Variants in PDE10A observed in about 807,000 individuals in gnomAD.
The protein encoded by PDE10A is cAMP and cAMP-inhibited cGMP 3',5'-cyclic phosphodiesterase 10A.
A neutral mutation model predicts 97.7 loss-of-function variants in PDE10A; 39 were observed. That is an observed-to-expected ratio of 0.40 (90% CI 0.31 to 0.52). The LOEUF (loss-of-function observed/expected upper bound fraction) is 0.52, where lower values mean the gene tolerates loss of function less well. Ranked by LOEUF, PDE10A falls within the 20% of genes least tolerant of loss-of-function variation. The probability of loss-of-function intolerance (pLI) is 0.56; values close to 1 mark genes in which losing one functional copy is unlikely to be tolerated. For missense variants in PDE10A, 731 were observed against 1,047.8 expected, an observed-to-expected ratio of 0.70 and a Z score of 4.17; for synonymous variants, 371 against 376.8, an observed-to-expected ratio of 0.98 and a Z score of 0.18.
chr6:165,707,050 C>A (rs1205606480), intron 1 of PDE10A, among the ~76,000 whole-genome samples: 1 of 152,164 alleles, frequency 6.6e-6, no homozygotes. Context: ...GTTTTTAAGT[C>A]GATTGCTTAA....
chr6:165,644,355 C>T (rs114709538), intron 1 of PDE10A, among the ~76,000 whole-genome samples: 3,837 of 152,274 alleles, frequency 0.025, 168 homozygotes, highest in African/African-American at 0.088. Context: ...GCCACCATGC[C>T]CGGCCAGAAA....
At chr6:165,787,973 AC>A (rs1252638584) in intron 1 of PDE10A, among the ~76,000 whole-genome samples, 2 of 152,214 alleles carry the variant, frequency 1.3e-5, no homozygotes, top group Admixed American at 6.5e-5. Context: ...TAAATAAGAG[AC>A]CACCTTCATG....
At chr6:165,738,439 T>G (rs1792636804) in intron 1 of PDE10A, among the ~76,000 whole-genome samples, 1 of 150,860 alleles carries the variant, frequency 6.6e-6, no homozygotes, top group Admixed American at 6.6e-5. Flanking sequence ...TGGTTCCAAG[T>G]CTTTGCTATT....
chr6:165,772,436 C>T (rs1446444686), intron 1 of PDE10A, among the ~76,000 whole-genome samples: 1 of 152,184 alleles, frequency 6.6e-6, no homozygotes, highest in African/African-American at 2.4e-5. Flanking sequence ...CTGTTGTAGA[C>T]ATCGCCTCCA....
At chr6:165,596,566 A>G (rs1296772566) in intron 1 of PDE10A, among the ~76,000 whole-genome samples, 1 of 152,098 alleles carries the variant, frequency 6.6e-6, no homozygotes, top group Non-Finnish European at 1.5e-5. Context: ...CCTTCTCTAC[A>G]AAAAATTTAA....
In PDE10A at chr6:165,931,950, T is replaced by C. The variant is rs373995555; in HGVS notation, c.-615+55579A>G. Among the ~76,000 whole-genome samples, 560 of 152,152 alleles carry C rather than the reference T, an allele frequency of 3.7e-3. 4 individuals are homozygous for C. Among genetic ancestry groups the C allele is most frequent in the African/African-American group, 0.013 (524 of 41,514 alleles). ...GGCCACACCCTGCGGCTCTCATCAG[T>C]GGCATGTGGCAGATGACAGAAAGGT... On this transcript the variant is annotated intron_variant, in intron 1 of 19. Transcript: ENST00000366882.
At chr6:165,509,550 G>T (rs1306847555) in intron 2 of PDE10A, among the ~76,000 whole-genome samples, 1 of 151,300 alleles carries the variant, frequency 6.6e-6, no homozygotes, top group Non-Finnish European at 1.5e-5. Flanking sequence ...GCTCGGGATT[G>T]CTTTGGCTAT....
chr6:165,441,573 C>G (rs1036568644), intron 5 of PDE10A, among the ~76,000 whole-genome samples: 8 of 152,212 alleles, frequency 5.3e-5, no homozygotes, highest in Non-Finnish European at 1.0e-4. Context: ...CTCACACAAT[C>G]TAACTCCAGA....
chr6:165,923,829 T>C (rs577005833), intron 1 of PDE10A, among the ~76,000 whole-genome samples: 71 of 152,312 alleles, frequency 4.7e-4, no homozygotes, highest in African/African-American at 1.7e-3. Context: ...TGCCAATTCA[T>C]TTTTCAGAGA....
chr6:165,484,630 C>T (rs1779797169), intron 2 of PDE10A, among the ~76,000 whole-genome samples: 1 of 152,068 alleles, frequency 6.6e-6, no homozygotes, highest in African/African-American at 2.4e-5. Flanking sequence ...GCACAGAGAC[C>T]ACAGGAAATT....
At chr6:165,823,482 T>TTA (rs748139541) in intron 1 of PDE10A, among the ~76,000 whole-genome samples, 2,451 of 36,942 alleles carry the variant, frequency 0.066, 128 homozygotes, top group East Asian at 0.19. Context: ...ATAGTTAACT[T>TTA]TATATATATA....
At chr6:165,576,480 C>T (rs780198440) in intron 1 of PDE10A, 20 of 780,198 alleles carry the variant, frequency 2.6e-5, no homozygotes, top group South Asian at 2.0e-4. Flanking sequence ...GTCTTCTCTA[C>T]CCCCATCTCT....
intron 1 of PDE10A, among the ~76,000 whole-genome samples, chr6:165,933,210 C>T (rs532714899): frequency 1.2e-4 from 19 of 152,272 alleles, no homozygotes; most frequent in Non-Finnish European, 2.5e-4. Flanking sequence ...AGACCCGAAA[C>T]AGTCCCTATG....
intron 1 of PDE10A, among the ~76,000 whole-genome samples, chr6:165,547,296 AGCAGGG>A (rs1783787174): frequency 6.6e-6 from 1 of 152,142 alleles, no homozygotes; most frequent in South Asian, 2.1e-4. Flanking sequence ...AGTACTCATG[AGCAGGG>A]GCAGGTTAAA....
At chr6:165,838,778 A>G (rs539276420) in intron 1 of PDE10A, among the ~76,000 whole-genome samples, 1 of 152,378 alleles carries the variant, frequency 6.6e-6, no homozygotes, top group African/African-American at 2.4e-5. Flanking sequence ...CAAATGACGA[A>G]TGTCAAAGGG....
chr6:165,441,373 G>A (rs992646360), intron 5 of PDE10A, among the ~76,000 whole-genome samples: 10 of 152,048 alleles, frequency 6.6e-5, no homozygotes, highest in African/African-American at 1.9e-4. Context: ...TTTTGTTTTT[G>A]TATGCTCAGC....
At chr6:165,783,892 T>C (rs1012409400) in intron 1 of PDE10A, among the ~76,000 whole-genome samples, 3 of 152,090 alleles carry the variant, frequency 2.0e-5, no homozygotes, top group African/African-American at 7.2e-5. Context: ...AATGGACTGG[T>C]GTTCAAGAAG....
intron 3 of PDE10A, among the ~76,000 whole-genome samples, chr6:165,475,948 G>A (rs940451389): frequency 2.0e-4 from 31 of 152,186 alleles, no homozygotes; most frequent in African/African-American, 6.7e-4. Flanking sequence ...TAGTTTCCTC[G>A]GGGTTCCCCT....
chr6:165,530,758 A>C (rs1012916997), intron 2 of PDE10A, among the ~76,000 whole-genome samples: 4 of 152,238 alleles, frequency 2.6e-5, no homozygotes, highest in Non-Finnish European at 5.9e-5. Context: ...GATATGTTTA[A>C]GTCATCAGTT....
Sources: gnomAD v4.1 joint callset for allele counts (sites outside exome capture counted in the v4.1 genomes callset) on GRCh38, gnomAD v4.1.1 for gene constraint, MANE v1.5 for transcripts, NCBI Gene and HGNC (gene_info 2026-07-23, HGNC 2026-07-21) for gene names.